The following KCNAB1 variants were observed in gnomAD, a reference collection of about 807,000 sequenced individuals.
KCNAB1 encodes potassium voltage-gated channel subfamily A regulatory beta subunit 1.
Under a neutral mutation model 64.6 loss-of-function variants are expected in KCNAB1, and 35 were observed. The ratio of observed to expected loss-of-function variants is 0.54; its 90% confidence interval spans 0.41 to 0.72. The LOEUF (loss-of-function observed/expected upper bound fraction) is 0.72, where lower values mean the gene tolerates loss of function less well. KCNAB1 is among the 30% of genes least tolerant of loss of function. The pLI, the probability that KCNAB1 is intolerant of heterozygous loss-of-function variation, is 0.00. For synonymous variants in KCNAB1, 177 were observed against 183.8 expected (o/e 0.96, Z 0.30); for missense variants, 401 against 512.9 (o/e 0.78, Z 2.11).
At chr3:156,231,822 C>T (rs1161693066) in intron 1 of KCNAB1, among the ~76,000 whole-genome samples, 2 of 152,016 alleles carry the variant, frequency 1.3e-5, no homozygotes, top group East Asian at 3.9e-4. Flanking sequence ...TTTGAGTTGT[C>T]CTGCCTTTCT....
intron 1 of KCNAB1, among the ~76,000 whole-genome samples, chr3:156,317,967 GTAGT>G (rs1016185809): frequency 4.6e-5 from 7 of 152,106 alleles, no homozygotes; most frequent in Non-Finnish European, 1.0e-4. Context: ...TTTTAGGCAG[GTAGT>G]TAGATATCTA....
intron 1 of KCNAB1, among the ~76,000 whole-genome samples, chr3:156,402,264 C>A (rs536808422): frequency 6.6e-6 from 1 of 151,950 alleles, no homozygotes; most frequent in South Asian, 2.1e-4. Flanking sequence ...CTATCAGAAT[C>A]TAGTATCTCT....
At chr3:156,378,440 C>A (rs1237530178) in intron 1 of KCNAB1, among the ~76,000 whole-genome samples, 1 of 152,112 alleles carries the variant, frequency 6.6e-6, no homozygotes, top group Non-Finnish European at 1.5e-5. Flanking sequence ...ACTATGCATG[C>A]ATGGTTTGTT....
Position 156,445,538 on chromosome 3 carries a change from C to G in KCNAB1, c.320-7361C>G, listed in dbSNP as rs78432762. ...CAAATGCGCAGTTGTGGTTAAAAAC[C>G]TCTTGTTGAAGATAGTGAGGAAAAC... On this transcript the variant is annotated intron_variant, in intron 2 of 13. Transcript: ENST00000490337. Among the ~76,000 whole-genome samples the G allele has an allele frequency of 9.2e-3, 1,395 of 152,228 alleles. 23 individuals carry two copies. Among genetic ancestry groups the G allele is most frequent in the African/African-American group, 0.032 (1,344 of 41,534 alleles).
At chr3:156,238,022 G>C (rs913819315) in intron 1 of KCNAB1, among the ~76,000 whole-genome samples, 3 of 152,182 alleles carry the variant, frequency 2.0e-5, no homozygotes, top group African/African-American at 4.8e-5. Context: ...ACTGACTACT[G>C]AGAGGATGAA....
chr3:156,331,630 C>A (rs552209532), intron 1 of KCNAB1, among the ~76,000 whole-genome samples: 9 of 151,944 alleles, frequency 5.9e-5, no homozygotes, highest in Admixed American at 5.2e-4. Flanking sequence ...TATGGTATTA[C>A]AATGGCTTTT....
At chr3:156,196,169 A>G (rs775053899) in intron 1 of KCNAB1, among the ~76,000 whole-genome samples, 1 of 152,000 alleles carries the variant, frequency 6.6e-6, no homozygotes, top group Admixed American at 6.6e-5. Context: ...TACCATTACC[A>G]TGCTGTTTTG....
At chr3:156,316,908 A>G (rs935341133) in intron 1 of KCNAB1, among the ~76,000 whole-genome samples, 5 of 152,360 alleles carry the variant, frequency 3.3e-5, no homozygotes, top group Admixed American at 3.3e-4. Context: ...TGGAGAGTGG[A>G]TCTGCAGAAG....
At chr3:156,339,514 A>G (rs1560204567) in intron 1 of KCNAB1, among the ~76,000 whole-genome samples, 2 of 152,216 alleles carry the variant, frequency 1.3e-5, no homozygotes, top group African/African-American at 4.8e-5. Flanking sequence ...CAAGTTGCAG[A>G]ACCATGGTTC....
At chr3:156,476,901 A>G (rs1714407647) in intron 8 of KCNAB1, among the ~76,000 whole-genome samples, 1 of 152,206 alleles carries the variant, frequency 6.6e-6, no homozygotes, top group African/African-American at 2.4e-5. Context: ...TTAAGTGCCT[A>G]GTGACTATTT....
intron 2 of KCNAB1, among the ~76,000 whole-genome samples, chr3:156,445,783 C>T (rs1325624648): frequency 6.6e-6 from 1 of 152,076 alleles, no homozygotes; most frequent in Non-Finnish European, 1.5e-5. Flanking sequence ...TATGCGGTTA[C>T]AATATAGTGT....
At chr3:156,425,827 G>T (rs558253734) in intron 2 of KCNAB1, among the ~76,000 whole-genome samples, 19 of 152,310 alleles carry the variant, frequency 1.2e-4, no homozygotes, top group Admixed American at 2.6e-4. Context: ...TACAGGGCAA[G>T]TGAAGCGTGA....
At chr3:156,297,259 C>CTTTTTTTTTTTTTTTTTTTTT (rs71141704) in intron 1 of KCNAB1, among the ~76,000 whole-genome samples, 1 of 96,470 alleles carries the variant, frequency 1.0e-5, no homozygotes, top group African/African-American at 3.0e-5. Flanking sequence ...TTGAGGTTGG[C>CTTTTTTTTTTTTTTTTTTTTT]TTTTTTTTTT....
chr3:156,135,000 CT>C lies in KCNAB1; in HGVS notation c.275+14124del, dbSNP rs921730269. On this transcript the variant is annotated intron_variant, in intron 1 of 13. Coordinates refer to ENST00000490337, the MANE Select transcript of KCNAB1 (RefSeq NM_172160.3). ...ATAAACAGATTTAGTTTTCTTTTTT[CT>C]TTTTTTTTTCTTCACGGTGGAGTCT... 1.3e-4 allele frequency among the ~76,000 whole-genome samples: 19 copies of C among 148,760 alleles called. 1 individual carries two copies. Among genetic ancestry groups the C allele is most frequent in the Admixed American group, 1.2e-3 (18 of 14,908 alleles).
At chr3:156,486,181 TG>T (rs1241751188) in intron 8 of KCNAB1, among the ~76,000 whole-genome samples, 1 of 152,142 alleles carries the variant, frequency 6.6e-6, no homozygotes, top group East Asian at 1.9e-4. Context: ...TCCCTGCCTG[TG>T]TCCGCTTTTA....
intron 1 of KCNAB1, among the ~76,000 whole-genome samples, chr3:156,363,248 T>G (rs886091958): frequency 2.6e-5 from 4 of 152,266 alleles, no homozygotes; most frequent in Non-Finnish European, 5.9e-5. Context: ...GGTTATGCCT[T>G]ATTACATCTA....
chr3:156,521,486 C>T (rs1717936551), intron 11 of KCNAB1, among the ~76,000 whole-genome samples: 2 of 152,188 alleles, frequency 1.3e-5, no homozygotes, highest in Non-Finnish European at 2.9e-5. Context: ...ACTGGAGATG[C>T]TGACATGAAC....
At chr3:156,308,793 T>A (rs1409214848) in intron 1 of KCNAB1, among the ~76,000 whole-genome samples, 2 of 152,232 alleles carry the variant, frequency 1.3e-5, no homozygotes, top group East Asian at 3.8e-4. Flanking sequence ...ATCATGTTAA[T>A]GTTAGAAAGC....
chr3:156,285,222 C>T (rs987435200), intron 1 of KCNAB1, among the ~76,000 whole-genome samples: 23 of 152,132 alleles, frequency 1.5e-4, no homozygotes, highest in Non-Finnish European at 2.8e-4. Context: ...TATAATAATT[C>T]CACTTATCTT....
Sources: allele counts gnomAD v4.1 joint callset (sites outside exome capture counted in the v4.1 genomes callset), GRCh38; gene constraint gnomAD v4.1.1; transcripts MANE v1.5; gene names NCBI Gene and HGNC (gene_info 2026-07-23, HGNC 2026-07-21).